The following PTPRD variants were observed in gnomAD, a reference collection of about 807,000 sequenced individuals.
The protein encoded by PTPRD is protein tyrosine phosphatase receptor type D.
In PTPRD, 34 loss-of-function variants were observed where a neutral mutation model predicts 214.5. The ratio of observed to expected loss-of-function variants is 0.16; its 90% CI spans 0.12 to 0.21. PTPRD has a LOEUF of 0.21. PTPRD is among the 10% of genes least tolerant of loss of function. The pLI, the probability that PTPRD is intolerant of heterozygous loss-of-function variation, is 1.00. For synonymous variants in PTPRD, 1,128 were observed against 845.7 expected (o/e 1.33, Z -5.79); for missense variants, 2,545 against 2,398.7 (o/e 1.06, Z -1.27).
chr9:8,477,569 A>G (rs1055625972), intron 30 of PTPRD, among the ~76,000 whole-genome samples: 11 of 152,170 alleles, frequency 7.2e-5, no homozygotes, highest in Non-Finnish European at 1.6e-4. Context: ...CTGGGAGGTG[A>G]AAAGTCCGTC....
rs1204366606 is a variant in PTPRD, at chr9:8,742,011, C to T, written c.-103-8065G>A. 2.0e-5 allele frequency among the ~76,000 whole-genome samples: 3 copies of T among 152,088 alleles called. No homozygotes were observed. The East Asian group carries it at 5.8e-4, about 29-fold the overall frequency. ...AGACATTTTCATGCTAGGAGTATCA[C>T]CATAAGCCTAATTTATCATGAAGCG... On this transcript the variant is annotated intron_variant, in intron 11 of 45. Transcript: ENST00000381196.
At chr9:9,880,530 A>T (rs2068330013) in intron 5 of PTPRD, among the ~76,000 whole-genome samples, 1 of 152,128 alleles carries the variant, frequency 6.6e-6, no homozygotes. Context: ...TATAATCTTC[A>T]GATATTTACT....
intron 5 of PTPRD, among the ~76,000 whole-genome samples, chr9:9,842,621 C>A (rs1328686704): frequency 6.6e-6 from 1 of 151,404 alleles, no homozygotes; most frequent in Non-Finnish European, 1.5e-5. Context: ...AGAAAACTGT[C>A]CTTTAAGTAA....
At chr9:9,108,842 G>C (rs1315596140) in intron 10 of PTPRD, among the ~76,000 whole-genome samples, 2 of 152,122 alleles carry the variant, frequency 1.3e-5, no homozygotes, top group Non-Finnish European at 2.9e-5. Flanking sequence ...ACTCAGTCTG[G>C]TCGGGGGAGC....
At chr9:10,553,836 G>A (rs920817458) in intron 2 of PTPRD, among the ~76,000 whole-genome samples, 2 of 152,120 alleles carry the variant, frequency 1.3e-5, no homozygotes, top group African/African-American at 2.4e-5. Flanking sequence ...ATTAATATAT[G>A]TTTTTACTCA....
intron 2 of PTPRD, among the ~76,000 whole-genome samples, chr9:10,360,278 T>A (rs956066193): frequency 1.3e-5 from 2 of 152,260 alleles, no homozygotes; most frequent in Non-Finnish European, 2.9e-5. Flanking sequence ...TGCAACACAA[T>A]GTTATTGGAC....
chr9:8,739,784 G>C (rs1436943977), intron 11 of PTPRD, among the ~76,000 whole-genome samples: 1 of 152,148 alleles, frequency 6.6e-6, no homozygotes. Context: ...GACCCAGTGG[G>C]AGATAACTGA....
chr9:10,168,012 T>G (rs2099170110), intron 3 of PTPRD, among the ~76,000 whole-genome samples: 1 of 152,200 alleles, frequency 6.6e-6, no homozygotes, highest in Admixed American at 6.5e-5. Context: ...ACCATTATCC[T>G]TGGAAGTGAG....
chr9:10,055,785 G>A (rs34504428), intron 3 of PTPRD, among the ~76,000 whole-genome samples: 9,836 of 151,480 alleles, frequency 0.065, 380 homozygotes, highest in Non-Finnish European at 0.085. Flanking sequence ...ATTCAGTTAA[G>A]TCCAGAGGAA....
intron 6 of PTPRD, among the ~76,000 whole-genome samples, chr9:9,741,560 C>T (rs1386720781): frequency 1.3e-5 from 2 of 152,106 alleles, no homozygotes; most frequent in Non-Finnish European, 2.9e-5. Context: ...CACCCATCAA[C>T]CCATCATCTA....
intron 9 of PTPRD, among the ~76,000 whole-genome samples, chr9:9,356,533 A>G (rs1275843140): frequency 1.3e-5 from 2 of 151,434 alleles, no homozygotes; most frequent in African/African-American, 2.4e-5. Context: ...AGATTTTACT[A>G]AATAAGGCCA....
intron 9 of PTPRD, among the ~76,000 whole-genome samples, chr9:9,263,408 C>T (rs770737881): frequency 2.6e-4 from 40 of 151,504 alleles, no homozygotes; most frequent in African/African-American, 6.5e-4. Flanking sequence ...TATAAATGAA[C>T]GATGATAGTA....
intron 11 of PTPRD, among the ~76,000 whole-genome samples, chr9:8,752,296 G>C (rs573614445): frequency 1.3e-5 from 2 of 152,222 alleles, no homozygotes; most frequent in South Asian, 2.1e-4. Flanking sequence ...ATGGCCATGA[G>C]AGTGACCTCT....
At chr9:8,565,004 C>G (rs2088330746) in intron 14 of PTPRD, among the ~76,000 whole-genome samples, 1 of 152,168 alleles carries the variant, frequency 6.6e-6, no homozygotes. Flanking sequence ...TCTAGAAATA[C>G]AAAAGCTCCT....
At chr9:9,390,999 T>C (rs2065648128) in intron 9 of PTPRD, among the ~76,000 whole-genome samples, 1 of 152,150 alleles carries the variant, frequency 6.6e-6, no homozygotes, top group Admixed American at 6.6e-5. Context: ...GATAAGATAG[T>C]TTTTATTGTG....
At chr9:8,714,003 G>A (rs2098401905) in intron 12 of PTPRD, among the ~76,000 whole-genome samples, 1 of 152,268 alleles carries the variant, frequency 6.6e-6, no homozygotes, top group South Asian at 2.1e-4. Context: ...CTTTGAATCA[G>A]TTAGTCCTAT....
intron 5 of PTPRD, among the ~76,000 whole-genome samples, chr9:9,910,701 A>C (rs1057216802): frequency 9.2e-5 from 14 of 151,924 alleles, no homozygotes; most frequent in African/African-American, 3.1e-4. Context: ...TCATTTTCTT[A>C]TTAATTACCA....
intron 7 of PTPRD, among the ~76,000 whole-genome samples, chr9:9,698,304 T>C (rs1048419392): frequency 6.6e-5 from 10 of 152,222 alleles, no homozygotes; most frequent in Non-Finnish European, 1.3e-4. Flanking sequence ...TAGAGGTTTC[T>C]TTGCAATATA....
rs1371660622 is a variant in PTPRD at position 9,356,909 on chromosome 9, C to T, written c.-203+40540G>A. On this transcript the variant is annotated intron_variant, in intron 9 of 45. Coordinates refer to ENST00000381196, the MANE Select transcript of PTPRD (RefSeq NM_002839.4). ...AGCTGGCAACTTGCTACCAGTGAGG[C>T]AGCAGAATTATAGTTAACAAACAGA... is the stretch of plus-strand genomic sequence containing the variant. 4.6e-5 allele frequency among the ~76,000 whole-genome samples: 7 copies of T among 151,322 alleles called. No homozygotes were observed. The Admixed American group carries it at 4.6e-4, about 10-fold the overall frequency.
Sources: gnomAD v4.1 joint callset for allele counts (sites outside exome capture counted in the v4.1 genomes callset) on GRCh38, gnomAD v4.1.1 for gene constraint, MANE v1.5 for transcripts, NCBI Gene and HGNC (gene_info 2026-07-23, HGNC 2026-07-21) for gene names.